LRIT3: variants seen among roughly 807,000 people sequenced by gnomAD.
The protein encoded by LRIT3 is leucine rich repeat, Ig-like and transmembrane domains 3, also known as leucine-rich repeat, immunoglobulin-like domain and transmembrane domain-containing protein 3.
Under a neutral mutation model 22.6 loss-of-function variants are expected in LRIT3, and 14 were observed. The ratio of observed to expected loss-of-function variants is 0.62; its 90% confidence interval spans 0.41 to 0.97. The LOEUF is 0.97. Ranked by LOEUF, LRIT3 falls within the 50% of genes least tolerant of loss-of-function variation. The pLI, the probability that LRIT3 is intolerant of heterozygous loss-of-function variation, is 0.00. For synonymous variants in LRIT3, 306 were observed against 304.5 expected (o/e 1.01, Z -0.05); for missense variants, 783 against 803.0 (o/e 0.98, Z 0.30).
chr4:109,852,036 T>C (rs1050391194), intron 2 of LRIT3, 60 bp downstream of exon 2: 65 of 1,410,710 alleles, frequency 4.6e-5, no homozygotes, highest in Non-Finnish European at 5.5e-5. Flanking sequence ...ATAGCTTTTT[T>C]TGTCCAGTCT....
At position 109,871,067 on chromosome 4, in the gene LRIT3, A is replaced by G. The variant is rs1353124865; in HGVS notation, c.*278A>G. 1 of 269,934 alleles carries G rather than the reference A, an allele frequency of 3.7e-6. No individual in the cohort carries two copies. The highest frequency in any genetic ancestry group is 6.8e-6 in the Non-Finnish European group (1 of 146,178). The allele number at this position is 269,934 out of a possible 1,614,324, so 16.7% of individuals were successfully genotyped here. A position where few individuals can be genotyped will look rare whatever the true frequency, so the allele number is the denominator to read the frequency against. On this transcript the variant is annotated 3_prime_UTR_variant, in exon 4 of 4. Coordinates refer to ENST00000594814, the MANE Select transcript of LRIT3 (RefSeq NM_198506.5). Reference sequence around the variant, plus strand: ...TTTAGGGTAATGTTTTAGTTCTTAAAAATAAGTTCATGTGAAAGTAGCAAG... The same window carrying G: ...TTTAGGGTAATGTTTTAGTTCTTAAGAATAAGTTCATGTGAAAGTAGCAAG...
intron 2 of LRIT3, among the ~76,000 whole-genome samples, chr4:109,853,037 A>G (rs1320130120): frequency 6.6e-6 from 1 of 152,200 alleles, no homozygotes. Flanking sequence ...GTGCTGCAAT[A>G]AACATACATG....
At chr4:109,865,985 A>G (rs995776761) in intron 2 of LRIT3, among the ~76,000 whole-genome samples, 7 of 152,214 alleles carry the variant, frequency 4.6e-5, no homozygotes, top group African/African-American at 7.2e-5. Flanking sequence ...ATAACTAGGT[A>G]TAGATTAACA....
At chr4:109,862,144 A>G (rs1339708023) in intron 2 of LRIT3, among the ~76,000 whole-genome samples, 1 of 152,242 alleles carries the variant, frequency 6.6e-6, no homozygotes, top group Non-Finnish European at 1.5e-5. Flanking sequence ...TATAGTCCTC[A>G]GAATAACTTT....
intron 2 of LRIT3, among the ~76,000 whole-genome samples, chr4:109,854,083 A>G (rs1734343747): frequency 6.6e-6 from 1 of 152,188 alleles, no homozygotes; most frequent in Non-Finnish European, 1.5e-5. Context: ...TTTTGGTCCC[A>G]TATGAAATTT....
chr4:109,870,868 G>A lies in LRIT3; in HGVS notation c.*79G>A, dbSNP rs1734818876. On this transcript the variant is annotated 3_prime_UTR_variant, in exon 4 of 4. Transcript: ENST00000594814. Reference sequence around the variant, plus strand: ...TTGACCCTAGGTTTGGATGACTTTTGGACAGACTTTCACATTGTACATGAA... The same window carrying A: ...TTGACCCTAGGTTTGGATGACTTTTAGACAGACTTTCACATTGTACATGAA... 2.1e-6 allele frequency: 3 copies of A among 1,416,162 alleles called. No individual in the cohort carries two copies. The highest frequency in any genetic ancestry group is 2.9e-5 in the African/African-American group (2 of 69,754). The allele number at this position is 1,416,162 out of a possible 1,614,324, so 87.7% of individuals were successfully genotyped here.
intron 2 of LRIT3, among the ~76,000 whole-genome samples, chr4:109,865,989 A>G (rs1383612145): frequency 6.6e-6 from 1 of 152,210 alleles, no homozygotes; most frequent in Non-Finnish European, 1.5e-5. Flanking sequence ...CTAGGTATAG[A>G]TTAACAAGAT....
chr4:109,865,363 A>C, intron 2 of LRIT3: 1 of 1,417,006 alleles, frequency 7.1e-7, no homozygotes, highest in Non-Finnish European at 9.9e-7. Flanking sequence ...TAATACGTAC[A>C]ATAATGACTG....
chr4:109,855,040 G>A (rs1334794179), intron 2 of LRIT3, among the ~76,000 whole-genome samples: 3 of 152,016 alleles, frequency 2.0e-5, no homozygotes, highest in Non-Finnish European at 2.9e-5. Flanking sequence ...TTCTTTTTTT[G>A]TGGTGTCTCT....
intron 2 of LRIT3, among the ~76,000 whole-genome samples, chr4:109,861,386 G>A (rs556758616): frequency 2.0e-5 from 3 of 151,622 alleles, no homozygotes; most frequent in Non-Finnish European, 4.4e-5. Context: ...AACTTTTAAG[G>A]AAACTTCCTG....
chr4:109,870,810 T>C lies in LRIT3; in HGVS notation c.*21T>C. ...GCTAAGGTTCTGCAGCTCAGGTGCA[T>C]GTGAGCTACAAAACTAGCATCTAAG... On this transcript the variant is annotated 3_prime_UTR_variant, in exon 4 of 4. Transcript: ENST00000594814. 2.6e-6 allele frequency: 4 copies of C among 1,552,166 alleles called. No homozygotes were observed. Among genetic ancestry groups the C allele is most frequent in the Non-Finnish European group, 3.5e-6 (4 of 1,148,992 alleles).
In LRIT3 at chr4:109,870,411, C is replaced by T; in HGVS notation, c.1662C>T (p.Val554=). 4 of 1,614,186 alleles carry T rather than the reference C, an allele frequency of 2.5e-6. No individual in the cohort carries two copies. Among genetic ancestry groups the T allele is most frequent in the Non-Finnish European group, 3.4e-6 (4 of 1,180,036 alleles). ...LEPGGQYMAC[V]CPKGVPPQKD... is the part of the protein sequence containing the mutation. ...CCGGTGGGCAATACATGGCCTGTGT[C>T]TGTCCAAAAGGAGTGCCTCCCCAGA... The change falls in exon 4 of 4, where the codon GTC becomes GTT. Residue 554 remains valine (V), a synonymous_variant. Transcript: ENST00000594814.
At chr4:109,851,321 G>A in intron 1 of LRIT3, 183 bp from the exon 2 acceptor site, 2 of 720,928 alleles carry the variant, frequency 2.8e-6, no homozygotes, top group Non-Finnish European at 4.4e-6. Context: ...CACAGAGGAG[G>A]TGGCAAACCT....
Position 109,867,858 on chromosome 4 carries a change from T to G in LRIT3, c.807T>G (p.Ser269Arg). 6.2e-7 allele frequency: 1 copy of G among 1,614,156 alleles called. No homozygotes were observed. The highest frequency in any genetic ancestry group is 1.1e-5 in the South Asian group (1 of 91,086). The change falls in exon 3 of 4, where the codon AGT (serine) becomes AGG (arginine). Residue 269 changes from serine to arginine, a missense_variant. Around this residue, in one of 2 missense-constraint regions of LRIT3, gnomAD observed 756 missense variants for 753.8 expected, o/e 1.00. Coordinates refer to ENST00000594814, the MANE Select transcript of LRIT3 (RefSeq NM_198506.5). Reference protein sequence around the residue: ...SATKIMSALGSNVLLRCDATG... With the variant: ...SATKIMSALGRNVLLRCDATG... ...CCAAAATCATGTCTGCTCTGGGCAG[T>G]AATGTTCTACTGCGGTGTGATGCCA...
intron 2 of LRIT3, among the ~76,000 whole-genome samples, chr4:109,854,894 A>G (rs1734362863): frequency 6.6e-6 from 1 of 152,160 alleles, no homozygotes; most frequent in African/African-American, 2.4e-5. Flanking sequence ...CATATGTTGA[A>G]CAAGCGTTGC....
intron 2 of LRIT3, among the ~76,000 whole-genome samples, chr4:109,857,995 G>A (rs567459787): frequency 6.6e-6 from 1 of 152,118 alleles, no homozygotes; most frequent in African/African-American, 2.4e-5. Context: ...GACCTCCAAG[G>A]TTTGAATATC....
At chr4:109,859,192 A>G (rs1734476015) in intron 2 of LRIT3, among the ~76,000 whole-genome samples, 1 of 152,182 alleles carries the variant, frequency 6.6e-6, no homozygotes, top group African/African-American at 2.4e-5. Context: ...CAGGGGGGTC[A>G]CCACCTTCTG....
chr4:109,867,843 G>A lies in LRIT3; in HGVS notation c.792G>A (p.Met264Ile). ...PSVMTSATKI[M>I]SALGSNVLLR... ...TGATGACCTCAGCCACCAAAATCATGTCTGCTCTGGGCAGTAATGTTCTAC... is the reference window on the plus strand; with the variant it reads ...TGATGACCTCAGCCACCAAAATCATATCTGCTCTGGGCAGTAATGTTCTAC... Residue 264 changes from methionine (M) to isoleucine (I), a missense_variant, in exon 3 of 4, where the codon ATG (methionine) becomes ATA (isoleucine). This residue lies in a region of LRIT3 where 756 missense variants were observed against 753.8 expected (regional missense o/e 1.00). Transcript: ENST00000594814. 6.2e-7 allele frequency: 1 copy of A among 1,614,126 alleles called. No individual in the cohort carries two copies. Among genetic ancestry groups the A allele is most frequent in the Non-Finnish European group, 8.5e-7 (1 of 1,180,022 alleles).
rs181505688 is a variant in LRIT3 at position 109,848,966 on chromosome 4, C to T, written c.116+649C>T. Among the ~76,000 whole-genome samples the T allele has an allele frequency of 8.3e-4, 127 of 152,178 alleles. 1 individual carries two copies. Among genetic ancestry groups the T allele is most frequent in the African/African-American group, 3.0e-3 (124 of 41,502 alleles). On this transcript the variant is annotated intron_variant, in intron 1 of 3. Coordinates refer to ENST00000594814, the MANE Select transcript of LRIT3 (RefSeq NM_198506.5). ...TTATTTACTTATATTGTGCATGAGG[C>T]CTTTTAGATATGTTAAATGCAAAAC...
Sources: allele counts gnomAD v4.1 joint callset (sites outside exome capture counted in the v4.1 genomes callset), GRCh38; gene constraint gnomAD v4.1.1; regional missense constraint gnomAD v4.1.1; transcripts MANE v1.5; gene names NCBI Gene and HGNC (gene_info 2026-07-23, HGNC 2026-07-21).